Variants in C6orf89 observed in about 807,000 individuals in gnomAD.
C6orf89 encodes the protein bombesin receptor-activated protein C6orf89.
In C6orf89, 29 loss-of-function variants were observed where a neutral mutation model predicts 40.7. That is an observed-to-expected ratio of 0.71 (90% CI 0.53 to 0.97). The LOEUF (loss-of-function observed/expected upper bound fraction) is 0.97. Among genes scored for constraint, C6orf89 ranks in the 50% least tolerant of loss-of-function variants. C6orf89 has a pLI of 0.00. For synonymous variants in C6orf89, 165 were observed against 152.2 expected (o/e 1.08, Z -0.62); for missense variants, 392 against 429.1 (o/e 0.91, Z 0.76).
chr6:36,899,409 C>T lies in C6orf89; in HGVS notation c.-19-17C>T, dbSNP rs763022315. ...CCACCTTTCTTTTTACATTTATTTT[C>T]TCTCCGTCTCTCTCAGGGATTTTAT... On this transcript the variant is annotated splice_polypyrimidine_tract_variant and intron_variant, in intron 2 of 8. Transcript: ENST00000480824. The T allele has an allele frequency of 6.2e-7, 1 of 1,610,404 alleles. No homozygotes were observed. Among genetic ancestry groups the T allele is most frequent in the Non-Finnish European group, 8.5e-7 (1 of 1,176,840 alleles).
At chr6:36,888,444 C>T (rs564967771) in intron 1 of C6orf89, among the ~76,000 whole-genome samples, 122 of 152,186 alleles carry the variant, frequency 8.0e-4, no homozygotes, top group African/African-American at 1.9e-3. Flanking sequence ...CCAGCCTGGC[C>T]AACATGGTGA....
intron 1 of C6orf89, 62 bp downstream of exon 1, chr6:36,886,090 C>A (rs1414149246): frequency 5.7e-6 from 7 of 1,229,686 alleles, no homozygotes; most frequent in East Asian, 3.2e-5. Flanking sequence ...CTCGCCGCGC[C>A]CGTCTCTGAC....
intron 6 of C6orf89, among the ~76,000 whole-genome samples, 159 bp downstream of exon 6, chr6:36,914,852 T>C (rs1762258597): frequency 6.6e-6 from 1 of 152,160 alleles, no homozygotes; most frequent in Admixed American, 6.5e-5. Context: ...TAGCCAGGTA[T>C]GGTGGTGCAT....
upstream of C6orf89, among the ~76,000 whole-genome samples, chr6:36,884,090 T>C (rs965715439): frequency 6.6e-6 from 1 of 152,134 alleles, no homozygotes; most frequent in African/African-American, 2.4e-5. The surrounding 1 kb of genome is among the most constrained non-coding windows in gnomAD (Gnocchi z 4.0). Flanking sequence ...GGCAAAACCC[T>C]GTCTCTACTA....
chr6:36,917,660 C>A (rs1762373498), intron 7 of C6orf89, among the ~76,000 whole-genome samples: 1 of 152,212 alleles, frequency 6.6e-6, no homozygotes, highest in Non-Finnish European at 1.5e-5. Flanking sequence ...ATCATTTTGT[C>A]TAGAAGTAAG....
At chr6:36,915,057 C>T (rs1185455720) in intron 6 of C6orf89, among the ~76,000 whole-genome samples, 1 of 152,050 alleles carries the variant, frequency 6.6e-6, no homozygotes, top group African/African-American at 2.4e-5. Context: ...GAAATACCTG[C>T]AAAACAGTAA....
chr6:36,890,682 C>T (rs1035301595), intron 1 of C6orf89, among the ~76,000 whole-genome samples: 2 of 152,114 alleles, frequency 1.3e-5, no homozygotes, highest in Admixed American at 1.3e-4. Flanking sequence ...TATAGGCATG[C>T]GTCACCATGC....
At chr6:36,874,843 C>A (rs998753521) in intron 1 of C6orf89, 1 of 1,527,340 alleles carries the variant, frequency 6.5e-7, no homozygotes, top group African/African-American at 1.4e-5. Context: ...GGACCCGTCG[C>A]TGCTGCACAC....
chr6:36,925,717 T>TAGCC lies in C6orf89; in HGVS notation c.*2276_*2277insAGCC, dbSNP rs1339896703. 1 of 152,014 alleles carries TAGCC rather than the reference T, an allele frequency of 6.6e-6. No individual in the cohort carries two copies. The highest frequency in any genetic ancestry group is 2.4e-5 in the African/African-American group (1 of 41,352). 9.4% of individuals were successfully genotyped at this position (152,014 alleles called of 1,614,324 possible). A position where few individuals can be genotyped will look rare whatever the true frequency, so the allele number is the denominator to read the frequency against. On this transcript the variant is annotated 3_prime_UTR_variant, in exon 9 of 9. Coordinates refer to ENST00000480824, the MANE Select transcript of C6orf89 (RefSeq NM_001286635.2). ...CTACTACTGGCCAGAGCGACAGGAGTGGCTAGGGGTTGCCAGCCAGTCCCT... is the reference window on the plus strand; with the variant it reads ...CTACTACTGGCCAGAGCGACAGGAGTAGCCGGCTAGGGGTTGCCAGCCAGTCCCT...
upstream of C6orf89, among the ~76,000 whole-genome samples, chr6:36,883,635 T>C (rs1280043447): frequency 6.6e-6 from 1 of 151,816 alleles, no homozygotes; most frequent in Non-Finnish European, 1.5e-5. Flanking sequence ...TAACAAACTT[T>C]AGTGGTACAT....
chr6:36,906,238 G>C (rs1280031622), intron 4 of C6orf89, among the ~76,000 whole-genome samples: 5 of 152,198 alleles, frequency 3.3e-5, no homozygotes, highest in Non-Finnish European at 5.9e-5. Context: ...AGAGAGTCCA[G>C]ATCTGTGCTC....
intron 4 of C6orf89, among the ~76,000 whole-genome samples, chr6:36,907,306 T>A (rs1293485545): frequency 6.6e-6 from 1 of 152,068 alleles, no homozygotes; most frequent in East Asian, 1.9e-4. Context: ...TTTTGTTTTG[T>A]TTTGTTTTTG....
chr6:36,889,309 G>T lies in C6orf89; in HGVS notation c.-120+3281G>T, dbSNP rs115569142. 1.6e-3 allele frequency among the ~76,000 whole-genome samples: 251 copies of T among 152,312 alleles called. 1 individual carries two copies. The highest frequency in any genetic ancestry group is 5.6e-3 in the African/African-American group (233 of 41,564). Reference sequence around the variant, plus strand: ...CCTCAGTGAAAGCAATGTCGGTGGAGTGAGGAGGCAGAAATATGATTTCAA... The same window carrying T: ...CCTCAGTGAAAGCAATGTCGGTGGATTGAGGAGGCAGAAATATGATTTCAA... On this transcript the variant is annotated intron_variant, in intron 1 of 8. Coordinates refer to ENST00000480824, the MANE Select transcript of C6orf89 (RefSeq NM_001286635.2).
rs11969791 is a variant in C6orf89, at chr6:36,922,237, G to A, written c.950-1110G>A. Among the ~76,000 whole-genome samples, 897 of 152,160 alleles carry A rather than the reference G, an allele frequency of 5.9e-3. 2 individuals are homozygous for A. Among genetic ancestry groups the A allele is most frequent in the African/African-American group, 0.011 (476 of 41,500 alleles). On this transcript the variant is annotated intron_variant, in intron 8 of 8. Coordinates refer to ENST00000480824, the MANE Select transcript of C6orf89 (RefSeq NM_001286635.2). ...CACCTGTAATCCCAGCTACTCGGGA[G>A]GCTGAGGCAGGAGAATTGCTTGAAC...
chr6:36,906,768 G>A (rs1179632491), intron 4 of C6orf89, among the ~76,000 whole-genome samples: 1 of 152,106 alleles, frequency 6.6e-6, no homozygotes, highest in East Asian at 1.9e-4. Context: ...TCATGCCCGG[G>A]GTACTAGAAG....
chr6:36,914,946 C>T (rs140695886), intron 6 of C6orf89, among the ~76,000 whole-genome samples: 150 of 152,306 alleles, frequency 9.8e-4, no homozygotes, highest in Middle Eastern at 6.8e-3. Context: ...GCTGAGATCG[C>T]GCCATTGCCC....
intron 4 of C6orf89, among the ~76,000 whole-genome samples, chr6:36,908,264 G>A (rs972470914): frequency 2.0e-5 from 3 of 149,468 alleles, no homozygotes; most frequent in East Asian, 4.0e-4. Flanking sequence ...CCTTCTTTGC[G>A]GGCCACCAGC....
rs1762633102 is a variant in C6orf89 at position 36,925,020 on chromosome 6, T to C, written c.*1579T>C. 6.6e-6 allele frequency: 1 copy of C among 152,100 alleles called. No individual in the cohort carries two copies. The highest frequency in any genetic ancestry group is 2.1e-4 in the South Asian group (1 of 4,832). The allele number at this position is 152,100 out of a possible 1,614,324, so 9.4% of individuals were successfully genotyped here. On this transcript the variant is annotated 3_prime_UTR_variant, in exon 9 of 9. Transcript: ENST00000480824. ...TCAGGATAGAAACATCAGAGCCTCCTCCACGGGCTTCAGTGAAACTCCGAT... is the reference window on the plus strand; with the variant it reads ...TCAGGATAGAAACATCAGAGCCTCCCCCACGGGCTTCAGTGAAACTCCGAT...
At chr6:36,918,075 T>TCCCTGGG (rs372094547) in intron 7 of C6orf89, among the ~76,000 whole-genome samples, 161 of 152,270 alleles carry the variant, frequency 1.1e-3, no homozygotes, top group African/African-American at 3.1e-3. Flanking sequence ...GTTGTCCACA[T>TCCCTGGG]CCCTGGGCCC....
Sources: allele counts gnomAD v4.1 joint callset (sites outside exome capture counted in the v4.1 genomes callset), GRCh38; gene constraint gnomAD v4.1.1; non-coding constraint Gnocchi (gnomAD v3.1); transcripts MANE v1.5; gene names NCBI Gene and HGNC (gene_info 2026-07-23, HGNC 2026-07-21).